The following C17orf75 variants were observed in gnomAD, a reference collection of about 807,000 sequenced individuals.
The protein encoded by C17orf75 is chromosome 17 open reading frame 75.
In C17orf75, 32 loss-of-function variants were observed where a neutral mutation model predicts 49.6. The ratio of observed to expected loss-of-function variants is 0.65; its 90% CI spans 0.49 to 0.87. C17orf75 has a LOEUF of 0.87. C17orf75 is among the 40% of genes least tolerant of loss of function. The pLI is 0.00. For synonymous variants in C17orf75, 158 were observed against 159.5 expected (o/e 0.99, Z 0.07); for missense variants, 428 against 473.9 (o/e 0.90, Z 0.90).
chr17:32,331,893 AG>A lies in C17orf75; in HGVS notation c.1060del (p.Leu354Ter), dbSNP rs866298506. 1 of 1,613,498 alleles carries A rather than the reference AG, an allele frequency of 6.2e-7. No homozygotes were observed. The highest frequency in any genetic ancestry group is 8.5e-7 in the Non-Finnish European group (1 of 1,179,512). ...HYALFKCYMF[L>X]KNCGSGDILL... ...TATATCTCCACTACCACAGTTCTTT[AG>A]GAACATGTAACATTTAAACAAAGCA... is the stretch of plus-strand genomic sequence containing the variant. On this transcript the variant is annotated frameshift_variant, in exon 10 of 10. Coordinates refer to ENST00000577809, the MANE Select transcript of C17orf75 (RefSeq NM_022344.4). LOFTEE classifies it high-confidence loss of function.
At chr17:32,342,642 T>TA (rs376893747), upstream of C17orf75, among the ~76,000 whole-genome samples, 272 of 152,252 alleles carry the variant, frequency 1.8e-3, 1 homozygote, top group African/African-American at 6.4e-3. Flanking sequence ...AATGACTACG[T>TA]AAAAACTAAA....
intron 9 of C17orf75, 97 bp downstream of exon 9, chr17:32,333,320 A>C (rs1158320085): frequency 3.6e-6 from 3 of 829,034 alleles, no homozygotes; most frequent in African/African-American, 3.4e-5. Context: ...ATTAACAGAC[A>C]TCACAGCTAT....
chr17:32,347,551 G>C (rs1429874123), intron 1 of C17orf75, among the ~76,000 whole-genome samples: 1 of 152,082 alleles, frequency 6.6e-6, no homozygotes, highest in Non-Finnish European at 1.5e-5. Context: ...CAAAGTGTTG[G>C]GATTACAGGG....
rs757101433 is a variant in C17orf75 at position 32,341,249 on chromosome 17, C to T, written c.176G>A (p.Ser59Asn). The change falls in exon 2 of 10, where the codon AGC (serine) becomes AAC (asparagine). Residue 59 changes from serine (S) to asparagine (N), a missense_variant. By Grantham distance (46) the Ser-to-Asn change is conservative. Transcript: ENST00000577809. ...AQQRGDSEDG[S>N]PSGTNAETPS... is the part of the protein sequence containing the mutation. ...AGTTTCTGCATTTGTGCCACTTGGG[C>T]TTCCGTCCTCACTGTCCCCTCGTTG... is the stretch of plus-strand genomic sequence containing the variant. 6.2e-7 allele frequency: 1 copy of T among 1,613,856 alleles called. No individual in the cohort carries two copies. Among genetic ancestry groups the T allele is most frequent in the African/African-American group, 1.3e-5 (1 of 74,922 alleles).
At chr17:32,341,739 G>T in intron 1 of C17orf75, 2 of 954,812 alleles carry the variant, frequency 2.1e-6, no homozygotes, top group Non-Finnish European at 2.5e-6. Context: ...AGCCGCGAGA[G>T]TAAGAGGCTG....
At position 32,330,585 on chromosome 17, in the gene C17orf75, A is replaced by G. The variant is rs993395131; in HGVS notation, c.*1178T>C. On this transcript the variant is annotated 3_prime_UTR_variant, in exon 10 of 10. Coordinates refer to ENST00000577809, the MANE Select transcript of C17orf75 (RefSeq NM_022344.4). ...AAATGGCTAGCTGAGGGCACTTTCA[A>G]TTGATTCAGAGTAAAACAATCTGAG... 6 of 152,254 alleles carry G rather than the reference A, an allele frequency of 3.9e-5. No individual in the cohort carries two copies. Among genetic ancestry groups the G allele is most frequent in the Admixed American group, 6.5e-5 (1 of 15,282 alleles). 9.4% of individuals were successfully genotyped at this position (152,254 alleles called of 1,614,324 possible). A position where few individuals can be genotyped will look rare whatever the true frequency, so the allele number is the denominator to read the frequency against.
chr17:32,341,021 T>C, intron 2 of C17orf75, 183 bp downstream of exon 2: 1 of 637,454 alleles, frequency 1.6e-6, no homozygotes, highest in Non-Finnish European at 2.8e-6. Context: ...GTGGATTTGT[T>C]TGCCCCAGCC....
intron 1 of C17orf75, 25 bp downstream of exon 1, chr17:32,341,975 G>A (rs2041385193): frequency 1.4e-6 from 2 of 1,401,510 alleles, no homozygotes; most frequent in African/African-American, 1.5e-5. Context: ...CGGGCGGGCT[G>A]GCAGGCCGAG....
chr17:32,334,300 T>G (rs2041304321), intron 8 of C17orf75, among the ~76,000 whole-genome samples, 169 bp downstream of exon 8: 1 of 152,208 alleles, frequency 6.6e-6, no homozygotes, highest in Non-Finnish European at 1.5e-5. Context: ...ATGGCATGAT[T>G]TCCATGTTTC....
chr17:32,344,041 T>C (rs1322548106), upstream of C17orf75: 5 of 669,932 alleles, frequency 7.5e-6, no homozygotes, highest in East Asian at 1.4e-4. Flanking sequence ...TGCATTGTAC[T>C]TGAATAGCCG....
Position 32,334,846 on chromosome 17 carries a change from G to T in C17orf75, c.670-7C>A. The T allele has an allele frequency of 6.2e-7, 1 of 1,600,944 alleles. No homozygotes were observed. Among genetic ancestry groups the T allele is most frequent in the South Asian group, 1.1e-5 (1 of 88,776 alleles). On this transcript the variant is annotated splice_polypyrimidine_tract_variant and splice_region_variant and intron_variant, in intron 6 of 9. Transcript: ENST00000577809. ...CAGGAGTGTAACTCAAAGCCTATGA[G>T]AGAAAAATAAAGCCTGATTGGTACA...
chr17:32,334,333 A>C, intron 8 of C17orf75, 136 bp downstream of exon 8: 1 of 1,118,820 alleles, frequency 8.9e-7, no homozygotes, highest in Middle Eastern at 3.0e-4. Context: ...GTTTTCACCA[A>C]GTGGTTTCTC....
rs753691500 is a variant in C17orf75 at position 32,334,791 on chromosome 17, T to G, written c.718A>C (p.Lys240Gln). ...GTTCTTTACCTGTTAATGTCTCTCTTTGTTTTTTCATCTGATTCTTTAACT... is the reference window on the plus strand; with the variant it reads ...GTTCTTTACCTGTTAATGTCTCTCTGTGTTTTTTCATCTGATTCTTTAACT... The part of the protein sequence containing the change: ...VEVKESDEKT[K>Q]RDINRFLSVA... The change falls in exon 7 of 10, where the codon AAG becomes CAG. Residue 240 changes from lysine (K) to glutamine (Q), a missense_variant. Coordinates refer to ENST00000577809, the MANE Select transcript of C17orf75 (RefSeq NM_022344.4). 6.2e-7 allele frequency: 1 copy of G among 1,607,012 alleles called. No homozygotes were observed. The highest frequency in any genetic ancestry group is 1.3e-5 in the African/African-American group (1 of 74,908).
At chr17:32,339,754 T>A in intron 3 of C17orf75, 59 bp downstream of exon 3, 1 of 1,591,134 alleles carries the variant, frequency 6.3e-7, no homozygotes, top group Non-Finnish European at 8.5e-7. Flanking sequence ...GAGTTTCTCA[T>A]CACTTCTCAT....
At chr17:32,346,350 A>T (rs2150781498), upstream of C17orf75, among the ~76,000 whole-genome samples, 1 of 152,182 alleles carries the variant, frequency 6.6e-6, no homozygotes, top group South Asian at 2.1e-4. Flanking sequence ...AGCCCAGGAG[A>T]TCAAGGCTGC....
upstream of C17orf75, among the ~76,000 whole-genome samples, chr17:32,342,674 G>A (rs1462062853): frequency 6.6e-6 from 1 of 152,206 alleles, no homozygotes; most frequent in African/African-American, 2.4e-5. Context: ...GGTGGCTCAC[G>A]CCTGTAATTC....
At chr17:32,336,386 G>C (rs1261198248) in intron 5 of C17orf75, among the ~76,000 whole-genome samples, 1 of 152,044 alleles carries the variant, frequency 6.6e-6, no homozygotes, top group African/African-American at 2.4e-5. Flanking sequence ...GCTAATTTTT[G>C]TATTTGTTGT....
At chr17:32,347,785 C>G (rs2150782022) in intron 1 of C17orf75, among the ~76,000 whole-genome samples, 1 of 152,292 alleles carries the variant, frequency 6.6e-6, no homozygotes, top group East Asian at 1.9e-4. Context: ...GCTAAAGGTC[C>G]CAACTCTTAA....
chr17:32,336,301 C>T (rs1317932899), intron 5 of C17orf75, among the ~76,000 whole-genome samples: 2 of 152,186 alleles, frequency 1.3e-5, no homozygotes, highest in African/African-American at 4.8e-5. Flanking sequence ...GCAGCCTCAA[C>T]TTCCCAGGCT....
Sources: gnomAD v4.1 joint callset for allele counts (sites outside exome capture counted in the v4.1 genomes callset) on GRCh38, gnomAD v4.1.1 for gene constraint, MANE v1.5 for transcripts, NCBI Gene and HGNC (gene_info 2026-07-23, HGNC 2026-07-21) for gene names.